The following SLIT3 variants were observed in gnomAD, a reference collection of about 807,000 sequenced individuals.
SLIT3 encodes slit guidance ligand 3.
A neutral mutation model predicts 184.0 loss-of-function variants in SLIT3; 68 were observed. The ratio of observed to expected loss-of-function variants is 0.37; its 90% CI spans 0.30 to 0.45. The LOEUF (loss-of-function observed/expected upper bound fraction) is 0.45. Among genes scored for constraint, SLIT3 ranks in the 20% least tolerant of loss-of-function variants. The pLI is 1.00. For synonymous variants in SLIT3, 831 were observed against 828.6 expected (o/e 1.00, Z -0.05); for missense variants, 1,707 against 2,026.0 (o/e 0.84, Z 3.02).
chr5:169,091,217 A>G (rs1759571466), intron 4 of SLIT3, among the ~76,000 whole-genome samples: 2 of 152,034 alleles, frequency 1.3e-5, no homozygotes, highest in South Asian at 2.1e-4. Context: ...ACACATTCTA[A>G]TATTTCTAGT....
At chr5:169,120,441 G>A (rs73315614) in intron 4 of SLIT3, 10,034 of 152,244 alleles carry the variant, frequency 0.066, 888 homozygotes, top group East Asian at 0.38. Context: ...TGAAGACAGA[G>A]GAAGGAGCCT....
intron 20 of SLIT3, among the ~76,000 whole-genome samples, chr5:168,730,036 C>G (rs1338152504): frequency 6.6e-6 from 1 of 151,708 alleles, no homozygotes; most frequent in Non-Finnish European, 1.5e-5. Flanking sequence ...AAAGATATTC[C>G]ATACAAACAG....
intron 4 of SLIT3, among the ~76,000 whole-genome samples, chr5:169,039,102 G>C (rs1757358607): frequency 6.6e-6 from 1 of 152,026 alleles, no homozygotes; most frequent in African/African-American, 2.4e-5. Flanking sequence ...ACAACGTGCA[G>C]GTTAGTTACA....
Position 168,831,249 on chromosome 5 carries a change from G to A in SLIT3, c.558-7918C>T, listed in dbSNP as rs1757869884. Among the ~76,000 whole-genome samples the A allele has an allele frequency of 2.0e-5, 3 of 151,856 alleles. No individual in the cohort carries two copies. In the South Asian group the frequency reaches 6.3e-4, roughly 32 times the overall value. On this transcript the variant is annotated intron_variant, in intron 6 of 35. Coordinates refer to ENST00000519560, the MANE Select transcript of SLIT3 (RefSeq NM_003062.4). ...GCAAAGCTTCTCTTTTGCTTGTTTG[G>A]AGTGGGCGATGGGTCTCCAAGGGCA...
At chr5:169,247,548 C>T (rs1342636203) in intron 2 of SLIT3, among the ~76,000 whole-genome samples, 1 of 152,194 alleles carries the variant, frequency 6.6e-6, no homozygotes, top group Non-Finnish European at 1.5e-5. Context: ...GAATCTAACA[C>T]TTCAAGCTTC....
chr5:168,712,020 T>G (rs1298422039), intron 24 of SLIT3, among the ~76,000 whole-genome samples: 1 of 152,166 alleles, frequency 6.6e-6, no homozygotes, highest in Non-Finnish European at 1.5e-5. Context: ...AATAGAAAAC[T>G]TATCTAAAGT....
At chr5:169,065,695 G>A (rs1758329954) in intron 4 of SLIT3, among the ~76,000 whole-genome samples, 1 of 152,190 alleles carries the variant, frequency 6.6e-6, no homozygotes, top group South Asian at 2.1e-4. Context: ...GGGGCAACGA[G>A]GGCAAGATCT....
chr5:169,244,614 A>G (rs1205505916), intron 3 of SLIT3, 91 bp downstream of exon 3: 1 of 1,133,602 alleles, frequency 8.8e-7, no homozygotes, highest in African/African-American at 1.6e-5. Flanking sequence ...TAACAAGGTT[A>G]TAAGGCCAAT....
At chr5:169,001,435 C>T (rs751297384) in intron 4 of SLIT3, among the ~76,000 whole-genome samples, 7 of 152,090 alleles carry the variant, frequency 4.6e-5, no homozygotes, top group Non-Finnish European at 7.4e-5. Flanking sequence ...AATAAAAAAA[C>T]ACCAAATAAT....
intron 35 of SLIT3, among the ~76,000 whole-genome samples, chr5:168,668,282 T>C (rs1761119442): frequency 6.6e-6 from 1 of 152,146 alleles, no homozygotes; most frequent in Non-Finnish European, 1.5e-5. Flanking sequence ...TGGATACATA[T>C]GCGAATCATT....
At chr5:169,143,690 A>G (rs564655627) in intron 4 of SLIT3, among the ~76,000 whole-genome samples, 1 of 152,154 alleles carries the variant, frequency 6.6e-6, no homozygotes, top group South Asian at 2.1e-4. Flanking sequence ...AATCCCATCT[A>G]CTCAGGAGGC....
At chr5:168,916,615 G>C (rs751646817) in intron 4 of SLIT3, among the ~76,000 whole-genome samples, 1 of 152,214 alleles carries the variant, frequency 6.6e-6, no homozygotes, top group African/African-American at 2.4e-5. Context: ...TTGCCCAGAG[G>C]ATTATTTCTT....
intron 28 of SLIT3, among the ~76,000 whole-genome samples, chr5:168,695,023 C>T (rs756880528): frequency 6.6e-6 from 1 of 152,150 alleles, no homozygotes; most frequent in Admixed American, 6.5e-5. Flanking sequence ...GGTGGTGGTA[C>T]GTTCCTACAG....
intron 4 of SLIT3, among the ~76,000 whole-genome samples, chr5:169,114,879 G>A (rs1016463858): frequency 2.0e-5 from 3 of 152,204 alleles, no homozygotes; most frequent in Non-Finnish European, 4.4e-5. Context: ...AAAAGAACAC[G>A]ATGGCAATTT....
chr5:168,862,910 G>A (rs533551048), intron 5 of SLIT3, among the ~76,000 whole-genome samples: 55 of 152,288 alleles, frequency 3.6e-4, no homozygotes, highest in African/African-American at 1.2e-3. Flanking sequence ...CCTGACCTCA[G>A]GTGATCTGTC....
intron 13 of SLIT3, among the ~76,000 whole-genome samples, chr5:168,773,789 G>A (rs117630561): frequency 6.6e-6 from 1 of 152,138 alleles, no homozygotes; most frequent in East Asian, 1.9e-4. Flanking sequence ...GGTGGAGGGG[G>A]TTAAGCGGGG....
intron 16 of SLIT3, 80 bp downstream of exon 16, chr5:168,760,782 G>C (rs866487973): frequency 9.6e-7 from 1 of 1,043,162 alleles, no homozygotes. Flanking sequence ...GGAGAGGCCG[G>C]TCCCCTGGTT....
intron 4 of SLIT3, among the ~76,000 whole-genome samples, chr5:169,068,064 A>C (rs1758417618): frequency 6.6e-6 from 1 of 152,192 alleles, no homozygotes; most frequent in Non-Finnish European, 1.5e-5. Flanking sequence ...TGGCTTATTT[A>C]TCTCTCTATT....
chr5:169,172,267 A>T (rs140871299), intron 4 of SLIT3, among the ~76,000 whole-genome samples: 22 of 152,278 alleles, frequency 1.4e-4, no homozygotes, highest in African/African-American at 5.3e-4. Flanking sequence ...GAAATACCAG[A>T]TTGTCCTCAG....
Sources: allele counts gnomAD v4.1 joint callset (sites outside exome capture counted in the v4.1 genomes callset), GRCh38; gene constraint gnomAD v4.1.1; transcripts MANE v1.5; gene names NCBI Gene and HGNC (gene_info 2026-07-23, HGNC 2026-07-21).